The following RALGPS1 variants were observed in gnomAD, a reference collection of about 807,000 sequenced individuals.
RALGPS1 encodes ras-specific guanine nucleotide-releasing factor RalGPS1.
Under a neutral mutation model 78.8 loss-of-function variants are expected in RALGPS1, and 19 were observed. The observed-to-expected ratio is 0.24, with a 90% confidence interval of 0.17 to 0.35. The LOEUF is 0.35. RALGPS1 is among the 10% of genes least tolerant of loss of function. The probability of loss-of-function intolerance (pLI) is 1.00; values close to 1 mark genes in which losing one functional copy is unlikely to be tolerated. For synonymous variants in RALGPS1, 228 were observed against 256.3 expected, an observed-to-expected ratio of 0.89 and a Z score of 1.06; for missense variants, 454 against 688.3, an observed-to-expected ratio of 0.66 and a Z score of 3.81.
intron 8 of RALGPS1, 118 bp downstream of exon 8, chr9:127,069,474 G>A (rs2050004160): frequency 4.2e-6 from 5 of 1,186,038 alleles, no homozygotes; most frequent in Non-Finnish European, 4.7e-6. Context: ...AGATAAAGAG[G>A]CAATTGGTTG....
intron 4 of RALGPS1, among the ~76,000 whole-genome samples, chr9:127,017,292 A>G (rs1193622348): frequency 6.6e-6 from 1 of 152,350 alleles, no homozygotes; most frequent in Non-Finnish European, 1.5e-5. Context: ...ACAAACCTGT[A>G]CAGCGTGAGT....
intron 4 of RALGPS1, among the ~76,000 whole-genome samples, chr9:127,027,386 A>G (rs775624846): frequency 6.6e-6 from 1 of 152,222 alleles, no homozygotes; most frequent in African/African-American, 2.4e-5. Flanking sequence ...TGATGGAATC[A>G]GCTTCTCCCT....
chr9:127,196,325 GA>G (rs763143203), intron 12 of RALGPS1, 148 bp from the exon 13 acceptor site: 6 of 812,658 alleles, frequency 7.4e-6, no homozygotes, highest in Non-Finnish European at 1.1e-5. Context: ...GTCATGGCAT[GA>G]GAGAGGACAG....
chr9:126,969,529 G>A (rs143720429), intron 3 of RALGPS1, among the ~76,000 whole-genome samples: 196 of 152,328 alleles, frequency 1.3e-3, no homozygotes, highest in African/African-American at 4.5e-3. Context: ...CCACAAAGCT[G>A]TATTGCCTCT....
At chr9:127,036,623 AC>A in intron 5 of RALGPS1, among the ~76,000 whole-genome samples, 1 of 152,238 alleles carries the variant, frequency 6.6e-6, no homozygotes, top group East Asian at 1.9e-4. Context: ...CCAAACAGAA[AC>A]CCAGTGGCTA....
intron 8 of RALGPS1, among the ~76,000 whole-genome samples, chr9:127,164,444 G>A (rs1324729807): frequency 2.0e-5 from 3 of 151,788 alleles, no homozygotes; most frequent in South Asian, 2.1e-4. Flanking sequence ...CGTGTTAGCC[G>A]AGCTGGTTTT....
At position 127,211,236 on chromosome 9, in the gene RALGPS1, A is replaced by T. The variant is rs2062235011; in HGVS notation, c.1248-895A>T. Among the ~76,000 whole-genome samples the T allele has an allele frequency of 6.6e-6, 1 of 152,050 alleles. No individual in the cohort carries two copies. Among genetic ancestry groups the T allele is most frequent in the Non-Finnish European group, 1.5e-5 (1 of 67,978 alleles). ...AATGGTGGCTCAGATCTTAAAAGCG[A>T]CAGGAAGCCATGAAAGGGGCTTGCT... On this transcript the variant is annotated intron_variant, in intron 14 of 18. Coordinates refer to ENST00000259351, the MANE Select transcript of RALGPS1 (RefSeq NM_014636.3). This position sits in a 1 kb window ranked among gnomAD's most constrained non-coding sequence, Gnocchi z 5.0.
intron 8 of RALGPS1, among the ~76,000 whole-genome samples, chr9:127,163,072 C>A (rs563080472): frequency 1.5e-4 from 23 of 152,150 alleles, no homozygotes; most frequent in Admixed American, 4.6e-4. Context: ...GCCTTTCCCC[C>A]CATCCTGCTC....
intron 8 of RALGPS1, among the ~76,000 whole-genome samples, chr9:127,070,775 A>G (rs1453533835): frequency 6.6e-6 from 1 of 152,080 alleles, no homozygotes; most frequent in Non-Finnish European, 1.5e-5. Context: ...GATATTTGCA[A>G]GGGATCTAGT....
intron 8 of RALGPS1, among the ~76,000 whole-genome samples, chr9:127,164,999 C>T (rs985669304): frequency 6.6e-6 from 1 of 152,084 alleles, no homozygotes; most frequent in Non-Finnish European, 1.5e-5. Context: ...TTGTTGAACT[C>T]ACTTTTCATT....
At chr9:126,947,956 T>C (rs767702287) in intron 1 of RALGPS1, among the ~76,000 whole-genome samples, 1 of 152,316 alleles carries the variant, frequency 6.6e-6, no homozygotes, top group African/African-American at 2.4e-5. Context: ...CCTTAACAGA[T>C]GACAAAAAGA....
At chr9:127,207,582 C>T (rs1408782088) in intron 14 of RALGPS1, among the ~76,000 whole-genome samples, 1 of 152,244 alleles carries the variant, frequency 6.6e-6, no homozygotes, top group African/African-American at 2.4e-5. Flanking sequence ...TTTTCTGGCC[C>T]TGAACATTCA....
chr9:127,168,642 G>T, intron 9 of RALGPS1, 37 bp from the exon 10 acceptor site: 1 of 1,432,244 alleles, frequency 7.0e-7, no homozygotes, highest in South Asian at 1.1e-5. Context: ...AAAGATGGGA[G>T]AGCCTAAAGT....
At chr9:127,203,692 C>T (rs2061771641) in intron 14 of RALGPS1, among the ~76,000 whole-genome samples, 1 of 152,156 alleles carries the variant, frequency 6.6e-6, no homozygotes, top group Non-Finnish European at 1.5e-5. Context: ...TTAAATAAGT[C>T]CTGTCAGGGA....
At chr9:127,130,750 G>A (rs1199789330) in intron 8 of RALGPS1, among the ~76,000 whole-genome samples, 1 of 152,182 alleles carries the variant, frequency 6.6e-6, no homozygotes, top group African/African-American at 2.4e-5. Context: ...GTTTTCAGAT[G>A]AAGAAACTGA....
intron 8 of RALGPS1, among the ~76,000 whole-genome samples, chr9:127,163,103 G>A (rs542773332): frequency 7.9e-5 from 12 of 152,206 alleles, no homozygotes; most frequent in African/African-American, 2.9e-4. Context: ...CTGCTTCTAG[G>A]CTGAGCTTTC....
At chr9:126,962,745 A>G (rs1402026618) in intron 2 of RALGPS1, among the ~76,000 whole-genome samples, 1 of 152,218 alleles carries the variant, frequency 6.6e-6, no homozygotes, top group Non-Finnish European at 1.5e-5. Flanking sequence ...TCAGTGGGAA[A>G]TGGTTATAAG....
At chr9:127,128,703 G>A (rs184244055) in intron 8 of RALGPS1, among the ~76,000 whole-genome samples, 40 of 152,324 alleles carry the variant, frequency 2.6e-4, no homozygotes, top group African/African-American at 9.6e-4. Flanking sequence ...GCGTGGTCAG[G>A]TCCTGTGACT....
At chr9:126,932,346 C>T (rs1027486118) in intron 1 of RALGPS1, among the ~76,000 whole-genome samples, 1 of 152,164 alleles carries the variant, frequency 6.6e-6, no homozygotes, top group African/African-American at 2.4e-5. Context: ...CAAAGCTGAA[C>T]ATATACATAC....
Sources: allele counts gnomAD v4.1 joint callset (sites outside exome capture counted in the v4.1 genomes callset), GRCh38; gene constraint gnomAD v4.1.1; non-coding constraint Gnocchi (gnomAD v3.1); transcripts MANE v1.5; gene names NCBI Gene and HGNC (gene_info 2026-07-23, HGNC 2026-07-21).